Variants in CEP295 observed in about 807,000 individuals in gnomAD.
CEP295 encodes centrosomal protein of 295 kDa.
Under a neutral mutation model 291.6 loss-of-function variants are expected in CEP295, and 190 were observed. The observed-to-expected ratio is 0.65, with a 90% CI of 0.58 to 0.73. The LOEUF (loss-of-function observed/expected upper bound fraction) is 0.73, where lower values mean the gene tolerates loss of function less well. Among genes scored for constraint, CEP295 ranks in the 30% least tolerant of loss-of-function variants. The pLI, the probability that CEP295 is intolerant of heterozygous loss-of-function variation, is 0.00. For synonymous variants in CEP295, 993 were observed against 1,038.8 expected (o/e 0.96, Z 0.85); for missense variants, 2,863 against 2,949.4 (o/e 0.97, Z 0.68).
chr11:93,726,785 C>A, intron 23 of CEP295, 191 bp from the exon 24 acceptor site: 1 of 445,520 alleles, frequency 2.2e-6, no homozygotes, highest in East Asian at 3.5e-5. Context: ...AGAAAAAATA[C>A]TTGGTGTGAG....
Position 93,722,895 on chromosome 11 carries a change from G to A in CEP295, c.5948-146G>A, listed in dbSNP as rs1322616088. ...CCAGCTGATTTTTGTATTTTTAGTAGAGATGGGGTTTCACCATGTTGGCGA... is the reference window on the plus strand; with the variant it reads ...CCAGCTGATTTTTGTATTTTTAGTAAAGATGGGGTTTCACCATGTTGGCGA... On this transcript the variant is annotated intron_variant, in intron 20 of 29. Transcript: ENST00000325212. The A allele has an allele frequency of 3.7e-5, 22 of 589,960 alleles. No individual in the cohort carries two copies. The East Asian group carries it at 6.7e-4, about 18-fold the overall frequency. 36.5% of individuals were successfully genotyped at this position (589,960 alleles called of 1,614,324 possible).
chr11:93,683,142 C>T lies in CEP295; in HGVS notation c.766-417C>T, dbSNP rs181557825. On this transcript the variant is annotated intron_variant, in intron 7 of 29. Transcript: ENST00000325212. ...CAGTCACCCTGGGTCTTGGTGCTTACCTGAGATAGGTATATGGAGAACTGG... is the reference window on the plus strand; with the variant it reads ...CAGTCACCCTGGGTCTTGGTGCTTATCTGAGATAGGTATATGGAGAACTGG... Among the ~76,000 whole-genome samples, 262 of 152,240 alleles carry T rather than the reference C, an allele frequency of 1.7e-3. 1 individual carries two copies. Among genetic ancestry groups the T allele is most frequent in the Non-Finnish European group, 2.7e-3 (184 of 68,022 alleles).
chr11:93,677,387 T>G (rs1051656274), intron 6 of CEP295, among the ~76,000 whole-genome samples: 1 of 152,114 alleles, frequency 6.6e-6, no homozygotes, highest in African/African-American at 2.4e-5. Flanking sequence ...GTGTGTGTGT[T>G]TTTAATATCC....
At chr11:93,687,942 AAGAAT>A in intron 10 of CEP295, 77 bp downstream of exon 10, 1 of 1,015,986 alleles carries the variant, frequency 9.8e-7, no homozygotes, top group Non-Finnish European at 1.4e-6. Context: ...TGAAAAATCA[AAGAAT>A]AGAGGTTAAA....
chr11:93,692,481 C>T (rs1214123080), intron 12 of CEP295, among the ~76,000 whole-genome samples: 4 of 152,032 alleles, frequency 2.6e-5, no homozygotes, highest in South Asian at 2.1e-4. Context: ...TAATATACAG[C>T]GCCCTTTTTT....
intron 18 of CEP295, among the ~76,000 whole-genome samples, chr11:93,714,842 C>CCT (rs57191649): frequency 0.12 from 18,124 of 149,038 alleles, 1,194 homozygotes; most frequent in East Asian, 0.31. Flanking sequence ...AGTCAGTCAG[C>CCT]CTCTCTCTCT....
At chr11:93,685,545 AAGC>A (rs1951190217) in intron 9 of CEP295, among the ~76,000 whole-genome samples, 1 of 152,200 alleles carries the variant, frequency 6.6e-6, no homozygotes, top group African/African-American at 2.4e-5. Flanking sequence ...GGGGAAAAAA[AAGC>A]AGCAGCAGCT....
At chr11:93,693,674 T>C (rs1469741113) in intron 12 of CEP295, among the ~76,000 whole-genome samples, 3 of 152,124 alleles carry the variant, frequency 2.0e-5, no homozygotes, top group Admixed American at 2.0e-4. Context: ...GAGAATCGCT[T>C]GAACCCAAGA....
intron 18 of CEP295, among the ~76,000 whole-genome samples, chr11:93,717,425 A>T (rs1240455822): frequency 6.6e-6 from 1 of 152,234 alleles, no homozygotes; most frequent in African/African-American, 2.4e-5. Flanking sequence ...GAGGCATCTC[A>T]GTAAATGGCT....
chr11:93,725,047 G>C (rs951277614), intron 22 of CEP295, among the ~76,000 whole-genome samples: 8 of 152,040 alleles, frequency 5.3e-5, no homozygotes, highest in Non-Finnish European at 8.8e-5. Flanking sequence ...TTGAGGCCAG[G>C]AGTTTGAGAT....
intron 10 of CEP295, among the ~76,000 whole-genome samples, chr11:93,688,102 G>A (rs1379064094): frequency 6.6e-6 from 1 of 152,066 alleles, no homozygotes; most frequent in South Asian, 2.1e-4. Flanking sequence ...AAATTAACCA[G>A]TTCCTTATTG....
rs915790706 is a variant in CEP295, at chr11:93,698,657, C to T, written c.3745C>T (p.His1249Tyr). The T allele has an allele frequency of 3.0e-5, 47 of 1,550,622 alleles. No individual in the cohort carries two copies. Among genetic ancestry groups the T allele is most frequent in the Non-Finnish European group, 3.8e-5 (44 of 1,147,106 alleles). Residue 1249 changes from histidine (H) to tyrosine (Y), a missense_variant, in exon 15 of 30, where the codon CAT becomes TAT. Around this residue, in one of 3 missense-constraint regions of CEP295, gnomAD observed 2,295 missense variants for 2,335.7 expected, o/e 0.98. Transcript: ENST00000325212. ...GGAAAGACTTTTGAGAGTTTCACAA[C>T]ATATGCTACCTCTACAAGATAATTT... Reference protein sequence around the residue: ...CQERLLRVSQHMLPLQDNLEE... With the variant: ...CQERLLRVSQYMLPLQDNLEE...
At position 93,706,773 on chromosome 11, in the gene CEP295, C is replaced by CCGT; in HGVS notation, c.5626_5627insGTC (p.Asp1875_Pro1876insArg). 2 of 1,547,784 alleles carry CCGT rather than the reference C, an allele frequency of 1.3e-6. No homozygotes were observed. The highest frequency in any genetic ancestry group is 1.7e-6 in the Non-Finnish European group (2 of 1,145,254). ...AACCAGGTATTTATGAAGACAGAGA[C>CCGT]CCCCTGCGAGTCTCAATAAGCCGAG... On this transcript the variant is annotated inframe_insertion, in exon 18 of 30. Coordinates refer to ENST00000325212, the MANE Select transcript of CEP295 (RefSeq NM_033395.2).
At position 93,721,473 on chromosome 11, in the gene CEP295, G is replaced by C. The variant is rs375209946; in HGVS notation, c.5850+61G>C. The C allele has an allele frequency of 8.5e-5, 89 of 1,050,652 alleles. No homozygotes were observed. The African/African-American group carries it at 1.3e-3, about 16-fold the overall frequency. The allele number at this position is 1,050,652 out of a possible 1,614,324, so 65.1% of individuals were successfully genotyped here. Reference sequence around the variant, plus strand: ...GCTGTTTGGCTTCGTATTCTCTTTTGTTTAGTTTACAGAAGCTATGTTATA... The same window carrying C: ...GCTGTTTGGCTTCGTATTCTCTTTTCTTTAGTTTACAGAAGCTATGTTATA... On this transcript the variant is annotated intron_variant, in intron 19 of 29. Transcript: ENST00000325212.
intron 18 of CEP295, among the ~76,000 whole-genome samples, chr11:93,714,685 A>C (rs1953119100): frequency 1.3e-5 from 2 of 152,220 alleles, no homozygotes; most frequent in Non-Finnish European, 2.9e-5. Context: ...TGTCTTCATT[A>C]GGGGATACCC....
intron 18 of CEP295, among the ~76,000 whole-genome samples, chr11:93,714,764 CAGA>C (rs1393401764): frequency 1.3e-5 from 2 of 152,174 alleles, no homozygotes; most frequent in African/African-American, 4.8e-5. Context: ...GGATAAGATC[CAGA>C]AGAATTCTCT....
chr11:93,698,421 C>T lies in CEP295; in HGVS notation c.3509C>T (p.Ser1170Leu), dbSNP rs1565183396. The T allele has an allele frequency of 6.4e-7, 1 of 1,552,074 alleles. No individual in the cohort carries two copies. Among genetic ancestry groups the T allele is most frequent in the Admixed American group, 2.0e-5 (1 of 51,006 alleles). The change falls in exon 15 of 30, where the codon TCA becomes TTA. Residue 1170 changes from serine (S) to leucine (L), a missense_variant. Physicochemically the swap from Ser to Leu is moderately radical, Grantham distance 145. Transcript: ENST00000325212. ...AATTTGACAATACTCCAAGAACAGT[C>T]ACAAATACAAAGGGTAATACTTGGT... The part of the protein sequence containing the change: ...QENLTILQEQ[S>L]QIQRVILGAK...
chr11:93,673,563 G>A lies in CEP295; in HGVS notation c.529-2008G>A, dbSNP rs565869222. Reference sequence around the variant, plus strand: ...GGCTGGAGGGCAGTGGTGCAGTCTCGGCTCCCTGCAACCTCTGCCTCCTGG... The same window carrying A: ...GGCTGGAGGGCAGTGGTGCAGTCTCAGCTCCCTGCAACCTCTGCCTCCTGG... On this transcript the variant is annotated intron_variant, in intron 5 of 29. Coordinates refer to ENST00000325212, the MANE Select transcript of CEP295 (RefSeq NM_033395.2). Among the ~76,000 whole-genome samples the A allele has an allele frequency of 2.0e-5, 3 of 151,856 alleles. No homozygotes were observed. In the South Asian group the frequency reaches 6.2e-4, roughly 32 times the overall value.
intron 6 of CEP295, among the ~76,000 whole-genome samples, chr11:93,676,866 G>C (rs887693965): frequency 2.0e-5 from 3 of 151,640 alleles, no homozygotes; most frequent in African/African-American, 7.3e-5. Context: ...TCAATTTTTG[G>C]ACTTAAAAAT....
Sources: gnomAD v4.1 joint callset for allele counts (sites outside exome capture counted in the v4.1 genomes callset) on GRCh38, gnomAD v4.1.1 for gene constraint, gnomAD v4.1.1 regional missense constraint, MANE v1.5 for transcripts, NCBI Gene and HGNC (gene_info 2026-07-23, HGNC 2026-07-21) for gene names.